Variants in RBMS1 observed in about 807,000 individuals in gnomAD.
RBMS1 encodes RNA binding motif single stranded interacting protein 1, also known as RNA-binding motif, single-stranded-interacting protein 1.
A neutral mutation model predicts 62.3 loss-of-function variants in RBMS1; 17 were observed. The ratio of observed to expected loss-of-function variants is 0.27; its 90% CI spans 0.19 to 0.41. RBMS1 has a LOEUF of 0.41. RBMS1 is among the 10% of genes least tolerant of loss of function. The pLI is 1.00. For synonymous variants in RBMS1, 172 were observed against 170.0 expected (o/e 1.01, Z -0.09); for missense variants, 334 against 504.5 (o/e 0.66, Z 3.24).
At chr2:160,376,412 CAT>C (rs1422962020) in intron 1 of RBMS1, among the ~76,000 whole-genome samples, 1 of 152,120 alleles carries the variant, frequency 6.6e-6, no homozygotes, top group South Asian at 2.1e-4. Context: ...AACTTAAAAA[CAT>C]AAAATCTTAT....
At chr2:160,397,485 T>G (rs779374447) in intron 1 of RBMS1, among the ~76,000 whole-genome samples, 1 of 152,106 alleles carries the variant, frequency 6.6e-6, no homozygotes, top group African/African-American at 2.4e-5. Flanking sequence ...TTTCCAAATA[T>G]TCCCTCTTTT....
At chr2:160,328,725 A>G (rs1236578376) in intron 2 of RBMS1, among the ~76,000 whole-genome samples, 1 of 152,112 alleles carries the variant, frequency 6.6e-6, no homozygotes, top group Non-Finnish European at 1.5e-5. Context: ...TGTGCAAAAA[A>G]CCCAGAAAAG....
At chr2:160,413,909 C>G (rs1048380950) in intron 1 of RBMS1, among the ~76,000 whole-genome samples, 5 of 152,216 alleles carry the variant, frequency 3.3e-5, no homozygotes, top group Admixed American at 2.0e-4. Context: ...GTCTCTTTGA[C>G]TCCAAAGTCC....
intron 1 of RBMS1, among the ~76,000 whole-genome samples, chr2:160,370,977 A>G (rs544422263): frequency 6.6e-6 from 1 of 152,390 alleles, no homozygotes; most frequent in East Asian, 1.9e-4. Context: ...ATTCTACTTT[A>G]TAAAAATCTT....
At chr2:160,492,029 T>C (rs977131161) in intron 1 of RBMS1, among the ~76,000 whole-genome samples, 4 of 152,326 alleles carry the variant, frequency 2.6e-5, no homozygotes, top group African/African-American at 7.2e-5. Context: ...ATGTCGTAAG[T>C]ACATGAAAAC....
intron 1 of RBMS1, among the ~76,000 whole-genome samples, chr2:160,396,389 C>T (rs1350564893): frequency 6.6e-6 from 1 of 152,090 alleles, no homozygotes; most frequent in Non-Finnish European, 1.5e-5. Context: ...TCAGTTCTTA[C>T]TAGGTGCCAG....
Position 160,284,760 on chromosome 2 carries a change from C to A in RBMS1, c.900+15G>T. 2 of 1,547,128 alleles carry A rather than the reference C, an allele frequency of 1.3e-6. No homozygotes were observed. The highest frequency in any genetic ancestry group is 1.1e-5 in the South Asian group (1 of 89,610). On this transcript the variant is annotated intron_variant, in intron 9 of 13. Coordinates refer to ENST00000348849, the MANE Select transcript of RBMS1 (RefSeq NM_016836.4). Reference sequence around the variant, plus strand: ...GCAAGTGGTTATACTGCTGACGAATCCTAAAGGTACAAACCTGGTAGGCAG... The same window carrying A: ...GCAAGTGGTTATACTGCTGACGAATACTAAAGGTACAAACCTGGTAGGCAG...
intron 1 of RBMS1, among the ~76,000 whole-genome samples, chr2:160,425,947 T>C (rs1235896285): frequency 6.6e-6 from 1 of 152,094 alleles, no homozygotes; most frequent in Non-Finnish European, 1.5e-5. Flanking sequence ...AAACAAGCAC[T>C]AATAAAATTG....
At chr2:160,458,870 T>C (rs1327147272) in intron 1 of RBMS1, among the ~76,000 whole-genome samples, 1 of 152,078 alleles carries the variant, frequency 6.6e-6, no homozygotes, top group South Asian at 2.1e-4. Flanking sequence ...TGCACAGTTA[T>C]GGAGAAATGG....
At chr2:160,439,116 C>T (rs1188947597) in intron 1 of RBMS1, among the ~76,000 whole-genome samples, 17 of 150,300 alleles carry the variant, frequency 1.1e-4, no homozygotes, top group African/African-American at 2.9e-4. Context: ...CCTCACCTGC[C>T]GGATGGGGCG....
intron 1 of RBMS1, among the ~76,000 whole-genome samples, chr2:160,475,849 T>G (rs968512137): frequency 1.4e-5 from 2 of 139,366 alleles, no homozygotes; most frequent in Non-Finnish European, 3.1e-5. Context: ...TAGAGTAGAA[T>G]GGGCCCCCCA....
At chr2:160,448,109 T>C (rs1353465395) in intron 1 of RBMS1, among the ~76,000 whole-genome samples, 2 of 152,260 alleles carry the variant, frequency 1.3e-5, no homozygotes, top group Non-Finnish European at 2.9e-5. Context: ...TACTGGCTTA[T>C]AACAATTATC....
intron 1 of RBMS1, among the ~76,000 whole-genome samples, chr2:160,480,193 A>G (rs1277574348): frequency 6.6e-6 from 1 of 152,188 alleles, no homozygotes; most frequent in African/African-American, 2.4e-5. Context: ...TATTATGTTT[A>G]TAAACATATA....
chr2:160,320,719 C>T (rs1690512282), intron 2 of RBMS1, among the ~76,000 whole-genome samples: 1 of 152,062 alleles, frequency 6.6e-6, no homozygotes, highest in African/African-American at 2.4e-5. Flanking sequence ...TTCCTGAGGC[C>T]CTCAACAAGC....
intron 2 of RBMS1, 71 bp downstream of exon 2, chr2:160,367,145 G>T: frequency 6.8e-7 from 1 of 1,462,506 alleles, no homozygotes; most frequent in Non-Finnish European, 9.5e-7. Context: ...TTATAATGCA[G>T]TATATATCAC....
intron 1 of RBMS1, among the ~76,000 whole-genome samples, chr2:160,393,783 A>T (rs908662493): frequency 6.6e-6 from 1 of 151,946 alleles, no homozygotes; most frequent in Non-Finnish European, 1.5e-5. Flanking sequence ...CTCCAAAAAA[A>T]AAAAAAGAAA....
chr2:160,311,077 C>A (rs1308862223), intron 4 of RBMS1, among the ~76,000 whole-genome samples: 1 of 151,292 alleles, frequency 6.6e-6, no homozygotes, highest in East Asian at 1.9e-4. Context: ...GCCTGTAATC[C>A]CAGCTACTCA....
intron 1 of RBMS1, among the ~76,000 whole-genome samples, chr2:160,424,233 G>C (rs903839996): frequency 2.6e-5 from 4 of 151,816 alleles, no homozygotes; most frequent in African/African-American, 9.7e-5. Context: ...TGGCCAGGCT[G>C]GTCTCAAACT....
At chr2:160,379,670 C>T (rs148114560) in intron 1 of RBMS1, among the ~76,000 whole-genome samples, 1 of 152,226 alleles carries the variant, frequency 6.6e-6, no homozygotes, top group East Asian at 1.9e-4. Flanking sequence ...AATTATTTCA[C>T]AATATTCTAT....
Sources: gnomAD v4.1 joint callset for allele counts (sites outside exome capture counted in the v4.1 genomes callset) on GRCh38, gnomAD v4.1.1 for gene constraint, MANE v1.5 for transcripts, NCBI Gene and HGNC (gene_info 2026-07-23, HGNC 2026-07-21) for gene names.